DCPH1: variants seen among roughly 807,000 people sequenced by gnomAD.
DCPH1 encodes the protein damage control phosphatase 1, also known as damage-control phosphatase 1.
At chr6:151,464,435 G>C in the DCPH1 span, 1 of 1,582,516 alleles carries the variant, frequency 6.3e-7, no homozygotes, top group Non-Finnish European at 8.6e-7. Context: ...GTTTCACTTT[G>C]TTTTTCTCCT....
the DCPH1 span, chr6:151,468,662 C>G: frequency 6.2e-7 from 1 of 1,613,782 alleles, no homozygotes; most frequent in Non-Finnish European, 8.5e-7. Flanking sequence ...TCTGATACTA[C>G]TATACATGAT....
the DCPH1 span, among the ~76,000 whole-genome samples, chr6:151,462,971 G>T: frequency 6.6e-6 from 1 of 152,184 alleles, no homozygotes; most frequent in African/African-American, 2.4e-5. Flanking sequence ...TGCCGAACCT[G>T]CCATTGTCGT....
the DCPH1 span, among the ~76,000 whole-genome samples, chr6:151,462,130 T>C: frequency 2.0e-5 from 3 of 152,294 alleles, no homozygotes; most frequent in East Asian, 5.8e-4. Flanking sequence ...TATGTGAAAT[T>C]TAAACATATT....
the DCPH1 span, among the ~76,000 whole-genome samples, chr6:151,466,649 A>G: frequency 6.6e-6 from 1 of 152,224 alleles, no homozygotes; most frequent in Admixed American, 6.5e-5. Flanking sequence ...GTCAAATGCC[A>G]TTCTAGGTGC....
At chr6:151,468,356 G>A in the DCPH1 span, 2 of 1,547,120 alleles carry the variant, frequency 1.3e-6, no homozygotes, top group Non-Finnish European at 1.7e-6. Flanking sequence ...TCACTGTGGG[G>A]AAATAAGTGT....
chr6:151,468,777 C>T, the DCPH1 span: 193,826 of 1,613,794 alleles, frequency 0.12, 14,174 homozygotes, highest in East Asian at 0.37. Context: ...GGGTTTACCA[C>T]AATCATATAT....
the DCPH1 span, chr6:151,452,720 G>A: frequency 1.1e-6 from 1 of 937,160 alleles, no homozygotes. Context: ...GCTTTCCGGG[G>A]CGCCTTTGCG....
the DCPH1 span, chr6:151,469,044 G>A: frequency 6.2e-7 from 1 of 1,614,058 alleles, no homozygotes; most frequent in Non-Finnish European, 8.5e-7. Context: ...AACAGCTCCT[G>A]GCCTCTGAGC....
the DCPH1 span, among the ~76,000 whole-genome samples, chr6:151,453,298 C>T: frequency 6.6e-6 from 1 of 152,140 alleles, no homozygotes. Context: ...TGGCCAGAGA[C>T]TTTGTTCCAG....
chr6:151,466,625 T>C, the DCPH1 span, among the ~76,000 whole-genome samples: 35 of 152,316 alleles, frequency 2.3e-4, no homozygotes, highest in Admixed American at 1.9e-3. Flanking sequence ...CACACACATT[T>C]CTGGGGCTAC....
At chr6:151,462,569 T>A in the DCPH1 span, among the ~76,000 whole-genome samples, 1 of 152,258 alleles carries the variant, frequency 6.6e-6, no homozygotes, top group Non-Finnish European at 1.5e-5. Context: ...ACAATCTGTT[T>A]ACTTCGTTGT....
chr6:151,463,308 A>G, the DCPH1 span, among the ~76,000 whole-genome samples: 3 of 152,246 alleles, frequency 2.0e-5, no homozygotes, highest in African/African-American at 7.2e-5. Context: ...ACATGCCTCA[A>G]AATGAAAATT....
the DCPH1 span, chr6:151,464,638 TTC>T: frequency 1.9e-6 from 3 of 1,554,376 alleles, no homozygotes; most frequent in Non-Finnish European, 2.6e-6. Context: ...ATCATTAATC[TTC>T]TGAGTATGTT....
chr6:151,453,112 A>G, the DCPH1 span, among the ~76,000 whole-genome samples: 723 of 152,362 alleles, frequency 4.7e-3, 4 homozygotes, highest in African/African-American at 0.017. Context: ...TTACTTCAAA[A>G]TATTGCAAAA....
At chr6:151,454,177 T>G in the DCPH1 span, among the ~76,000 whole-genome samples, 1 of 152,204 alleles carries the variant, frequency 6.6e-6, no homozygotes, top group Non-Finnish European at 1.5e-5. Context: ...GCAGGTGACT[T>G]AGCAGATAGT....
the DCPH1 span, among the ~76,000 whole-genome samples, chr6:151,465,131 C>G: frequency 1.3e-5 from 2 of 152,104 alleles, no homozygotes; most frequent in African/African-American, 4.8e-5. Context: ...CTGTTAGCAT[C>G]GGTAGGTGAT....
the DCPH1 span, among the ~76,000 whole-genome samples, chr6:151,465,554 G>A: frequency 1.3e-5 from 2 of 152,224 alleles, no homozygotes; most frequent in East Asian, 1.9e-4. Context: ...GTAGCGGGGT[G>A]GAAGGGACAC....
chr6:151,463,347 AT>A, the DCPH1 span, among the ~76,000 whole-genome samples: 2 of 152,204 alleles, frequency 1.3e-5, no homozygotes, highest in South Asian at 4.1e-4. Flanking sequence ...CTCATTTTTG[AT>A]TAAAAAAAAA....
chr6:151,463,132 C>T, the DCPH1 span, among the ~76,000 whole-genome samples: 1 of 152,298 alleles, frequency 6.6e-6, no homozygotes, highest in East Asian at 1.9e-4. Flanking sequence ...ATAAAAACCA[C>T]TCTTAGCATG....
Sources: gnomAD v4.1 joint callset for allele counts (sites outside exome capture counted in the v4.1 genomes callset) on GRCh38, gnomAD v4.1.1 for gene constraint, MANE v1.5 for transcripts, NCBI Gene and HGNC (gene_info 2026-07-23, HGNC 2026-07-21) for gene names.